The following UNC13C variants were observed in gnomAD, a reference collection of about 807,000 sequenced individuals.
The protein encoded by UNC13C is unc-13 homolog C.
A neutral mutation model predicts 245.4 loss-of-function variants in UNC13C; 174 were observed. That is an observed-to-expected ratio of 0.71 (90% CI 0.63 to 0.80). The LOEUF is 0.80. Among genes scored for constraint, UNC13C ranks in the 30% least tolerant of loss-of-function variants. The probability of loss-of-function intolerance (pLI) is 0.00; values close to 1 mark genes in which losing one functional copy is unlikely to be tolerated. For missense variants in UNC13C, 2,829 were observed against 2,602.9 expected (o/e 1.09, Z -1.89); for synonymous variants, 992 against 895.1 (o/e 1.11, Z -1.93).
chr15:54,433,241 G>A (rs2040909213), intron 19 of UNC13C, among the ~76,000 whole-genome samples: 1 of 151,972 alleles, frequency 6.6e-6, no homozygotes, highest in South Asian at 2.1e-4. Flanking sequence ...TATGAGGCCA[G>A]CATCATCCTG....
chr15:53,917,596 A>G, the UNC13C span, among the ~76,000 whole-genome samples: 1 of 152,198 alleles, frequency 6.6e-6, no homozygotes, highest in African/African-American at 2.4e-5. Context: ...AGCATAACTC[A>G]GTGGTAATTC....
At chr15:54,420,859 C>A (rs537430583) in intron 19 of UNC13C, among the ~76,000 whole-genome samples, 61 of 152,112 alleles carry the variant, frequency 4.0e-4, no homozygotes, top group African/African-American at 1.5e-3. Flanking sequence ...GAAGGGAATT[C>A]TGGTTCACTG....
At chr15:54,212,235 G>A (rs2034902414) in intron 4 of UNC13C, among the ~76,000 whole-genome samples, 1 of 152,072 alleles carries the variant, frequency 6.6e-6, no homozygotes, top group Non-Finnish European at 1.5e-5. Flanking sequence ...ATGCCAAACT[G>A]CTGAGGAGAG....
chr15:54,049,137 C>G (rs141923972), intron 2 of UNC13C: 1 of 381,692 alleles, frequency 2.6e-6, no homozygotes, highest in African/African-American at 2.1e-5. Context: ...TGCATCCTTA[C>G]GAGGAAGAAG....
chr15:54,622,290 T>G, intron 30 of UNC13C, 37 bp from the exon 31 acceptor site: 3 of 1,418,388 alleles, frequency 2.1e-6, no homozygotes, highest in Non-Finnish European at 3.0e-6. Flanking sequence ...TTAATGAGTC[T>G]GAAAGCTCAG....
chr15:53,969,278 G>A, the UNC13C span, among the ~76,000 whole-genome samples: 2 of 152,264 alleles, frequency 1.3e-5, no homozygotes, highest in South Asian at 4.1e-4. Context: ...CCACAGGGCA[G>A]CCCTGGTCAT....
At chr15:54,552,682 TTATATAATTATATATTA>T (rs1474186475) in intron 28 of UNC13C, among the ~76,000 whole-genome samples, 4 of 84,642 alleles carry the variant, frequency 4.7e-5, no homozygotes, top group Non-Finnish European at 3.9e-5. Flanking sequence ...TATAATATAA[TTATATAATTATATATTA>T]TATATAATTA....
intron 2 of UNC13C, among the ~76,000 whole-genome samples, chr15:54,077,676 C>T (rs1427735221): frequency 1.3e-5 from 2 of 152,026 alleles, no homozygotes; most frequent in Admixed American, 6.6e-5. Flanking sequence ...CGGCCAACTA[C>T]TTCTCAAATT....
rs34179914 is a variant in UNC13C at position 54,332,305 on chromosome 15, C to CTGTGTGTGTGTGTGTGTGTGTGTG, written c.4494+204_4494+227dup. ...GCCCCACGTAGACTACAACAATACT[C>CTGTGTGTGTGTGTGTGTGTGTGTG]TGTGTGTGTGTGTGTGTGTGTGTGT... is the stretch of plus-strand genomic sequence containing the variant. On this transcript the variant is annotated intron_variant, in intron 15 of 32. Coordinates refer to ENST00000260323, the MANE Select transcript of UNC13C (RefSeq NM_001080534.3). 5.3e-4 allele frequency among the ~76,000 whole-genome samples: 77 copies of CTGTGTGTGTGTGTGTGTGTGTGTG among 145,674 alleles called. 1 individual carries two copies. Among genetic ancestry groups the CTGTGTGTGTGTGTGTGTGTGTGTG allele is most frequent in the African/African-American group, 1.8e-3 (72 of 39,164 alleles).
In UNC13C at chr15:54,237,636, A is replaced by G. The variant is rs1409662802; in HGVS notation, c.3174A>G (p.Lys1058=). The G allele has an allele frequency of 1.9e-6, 3 of 1,612,398 alleles. No homozygotes were observed. The highest frequency in any genetic ancestry group is 1.7e-5 in the Admixed American group (1 of 59,868). The change falls in exon 7 of 33, where the codon AAA becomes AAG. Residue 1058 remains lysine (K), a synonymous_variant. Coordinates refer to ENST00000260323, the MANE Select transcript of UNC13C (RefSeq NM_001080534.3). ...TGTTTTAGACCCTGGCTGCCCGGAA[A>G]TCTGGACTCTCCCTGGCTATGGTGA... The part of the protein sequence containing the change: ...RDVAMTLAAR[K]SGLSLAMVIR...
At chr15:53,882,139 C>T in the UNC13C span, among the ~76,000 whole-genome samples, 656 of 152,220 alleles carry the variant, frequency 4.3e-3, 3 homozygotes, top group Non-Finnish European at 7.6e-3. Context: ...GTTTAAGGTA[C>T]GGAATATGGA....
intron 4 of UNC13C, among the ~76,000 whole-genome samples, chr15:54,194,398 T>C (rs2034285874): frequency 6.6e-6 from 1 of 152,166 alleles, no homozygotes; most frequent in African/African-American, 2.4e-5. Context: ...TATTTTTTAT[T>C]CTTCAAAGTT....
chr15:54,547,709 T>C (rs75215111), intron 27 of UNC13C, among the ~76,000 whole-genome samples: 6,281 of 152,268 alleles, frequency 0.041, 278 homozygotes, highest in East Asian at 0.12. Flanking sequence ...AGTGATAAAA[T>C]ATAAATTACT....
chr15:53,906,683 G>A, the UNC13C span, among the ~76,000 whole-genome samples: 6 of 152,126 alleles, frequency 3.9e-5, no homozygotes, highest in Non-Finnish European at 8.8e-5. Flanking sequence ...TCTTTCAGAT[G>A]GCCATACCCA....
chr15:54,617,299 A>T (rs1900504684), intron 30 of UNC13C, among the ~76,000 whole-genome samples: 1 of 152,070 alleles, frequency 6.6e-6, no homozygotes, highest in African/African-American at 2.4e-5. Context: ...TTTAAATGCC[A>T]TTAAAACTAA....
chr15:53,908,987 G>A, the UNC13C span, among the ~76,000 whole-genome samples: 1 of 145,712 alleles, frequency 6.9e-6, no homozygotes, highest in Non-Finnish European at 1.5e-5. Context: ...TGTATATGTG[G>A]TTTGTTTATA....
At chr15:54,466,509 C>T (rs971771937) in intron 19 of UNC13C, among the ~76,000 whole-genome samples, 4 of 151,762 alleles carry the variant, frequency 2.6e-5, no homozygotes, top group Non-Finnish European at 5.9e-5. Context: ...GGTATTCTGA[C>T]GTATGTGACA....
the UNC13C span, among the ~76,000 whole-genome samples, chr15:53,887,778 C>G: frequency 6.6e-6 from 1 of 152,114 alleles, no homozygotes; most frequent in Non-Finnish European, 1.5e-5. Flanking sequence ...TGTTCAACTC[C>G]CACTTATGAG....
chr15:54,465,218 G>A (rs996289307), intron 19 of UNC13C, among the ~76,000 whole-genome samples: 2 of 152,190 alleles, frequency 1.3e-5, no homozygotes, highest in African/African-American at 4.8e-5. Context: ...AACTGTGCTA[G>A]TGTATGATTC....
Sources: gnomAD v4.1 joint callset for allele counts (sites outside exome capture counted in the v4.1 genomes callset) on GRCh38, gnomAD v4.1.1 for gene constraint, MANE v1.5 for transcripts, NCBI Gene and HGNC (gene_info 2026-07-23, HGNC 2026-07-21) for gene names.